TRHDE: variants seen among roughly 807,000 people sequenced by gnomAD.
TRHDE encodes the protein thyrotropin releasing hormone degrading enzyme.
Under a neutral mutation model 125.7 loss-of-function variants are expected in TRHDE, and 72 were observed. The observed-to-expected ratio is 0.57, with a 90% confidence interval of 0.47 to 0.70. TRHDE has a LOEUF of 0.70. TRHDE is among the 30% of genes least tolerant of loss of function. The pLI is 0.00. For synonymous variants in TRHDE, 509 were observed against 509.1 expected (o/e 1.00, Z 0.00); for missense variants, 1,110 against 1,327.1 (o/e 0.84, Z 2.54).
At chr12:72,177,496 T>C (rs1000678335) in intron 2 of TRHDE, among the ~76,000 whole-genome samples, 3 of 152,076 alleles carry the variant, frequency 2.0e-5, no homozygotes, top group African/African-American at 7.2e-5. Flanking sequence ...AACTACAGTC[T>C]AGCAAACTAT....
chr12:72,336,956 C>T (rs904670502), intron 2 of TRHDE, among the ~76,000 whole-genome samples: 2 of 152,194 alleles, frequency 1.3e-5, no homozygotes, highest in African/African-American at 4.8e-5. Context: ...CCAGCATTGA[C>T]ATCATCTGTG....
chr12:72,357,695 C>A (rs951733693), intron 2 of TRHDE, among the ~76,000 whole-genome samples: 2 of 151,380 alleles, frequency 1.3e-5, no homozygotes, highest in African/African-American at 4.8e-5. Flanking sequence ...ACTTGATATT[C>A]TTCTAAACAA....
chr12:72,236,978 C>T (rs1878348587), intron 2 of TRHDE, among the ~76,000 whole-genome samples: 1 of 152,076 alleles, frequency 6.6e-6, no homozygotes, highest in Non-Finnish European at 1.5e-5. Context: ...GTTTAGATGG[C>T]CCTGAGAAAT....
intron 3 of TRHDE, among the ~76,000 whole-genome samples, chr12:72,453,270 T>C (rs1256293946): frequency 1.3e-5 from 2 of 152,198 alleles, no homozygotes; most frequent in African/African-American, 4.8e-5. Flanking sequence ...CACTTATGTT[T>C]TGCCTAAGCA....
intron 3 of TRHDE, among the ~76,000 whole-genome samples, chr12:72,445,222 A>G (rs1875218456): frequency 6.6e-6 from 1 of 151,896 alleles, no homozygotes; most frequent in Non-Finnish European, 1.5e-5. Flanking sequence ...GCTATTAAAT[A>G]TAGATGAAGA....
At chr12:72,229,832 A>C (rs1878212355) in intron 2 of TRHDE, among the ~76,000 whole-genome samples, 2 of 152,208 alleles carry the variant, frequency 1.3e-5, no homozygotes, top group Admixed American at 6.5e-5. Context: ...AATGCACACT[A>C]GAAGAATAAT....
At chr12:72,593,251 A>G (rs1259985301) in intron 12 of TRHDE, among the ~76,000 whole-genome samples, 1 of 152,168 alleles carries the variant, frequency 6.6e-6, no homozygotes, top group Non-Finnish European at 1.5e-5. Flanking sequence ...GCCCCAGTCT[A>G]AAAGGGAAAC....
intron 7 of TRHDE, among the ~76,000 whole-genome samples, chr12:72,548,412 A>T (rs1457389211): frequency 6.6e-6 from 1 of 151,802 alleles, no homozygotes; most frequent in Non-Finnish European, 1.5e-5. Flanking sequence ...TTACATACAT[A>T]TACATTACTA....
At chr12:72,336,579 G>A (rs1869839121) in intron 2 of TRHDE, among the ~76,000 whole-genome samples, 1 of 152,166 alleles carries the variant, frequency 6.6e-6, no homozygotes, top group African/African-American at 2.4e-5. Flanking sequence ...GTAATGGAAT[G>A]CCTGAGACTG....
At chr12:72,657,030 C>G in intron 18 of TRHDE, 22 bp downstream of exon 18, 2 of 1,411,748 alleles carry the variant, frequency 1.4e-6, no homozygotes, top group South Asian at 2.4e-5. Context: ...AAGATGAAGT[C>G]TAATTATTTT....
At chr12:72,156,451 C>G (rs1876514284) in intron 2 of TRHDE, among the ~76,000 whole-genome samples, 1 of 152,176 alleles carries the variant, frequency 6.6e-6, no homozygotes, top group African/African-American at 2.4e-5. Context: ...GGTACCTCAG[C>G]TGGAAATGCA....
intron 10 of TRHDE, among the ~76,000 whole-genome samples, chr12:72,574,766 GTTAT>G (rs1369006051): frequency 6.6e-6 from 1 of 152,024 alleles, no homozygotes; most frequent in African/African-American, 2.4e-5. Flanking sequence ...TGAAAAGTCT[GTTAT>G]TTATTAGTTC....
intron 2 of TRHDE, among the ~76,000 whole-genome samples, chr12:72,373,142 G>C (rs368802779): frequency 9.9e-5 from 15 of 152,068 alleles, no homozygotes; most frequent in East Asian, 9.7e-4. Context: ...ATTTTATTCT[G>C]TTTGAAGCAA....
chr12:72,563,148 T>A, intron 9 of TRHDE, 108 bp downstream of exon 9: 1 of 851,676 alleles, frequency 1.2e-6, no homozygotes, highest in Non-Finnish European at 1.8e-6. Context: ...GTAAGTGAAA[T>A]ATAGTTTTTG....
chr12:72,293,107 T>C (rs1880151387), intron 2 of TRHDE, among the ~76,000 whole-genome samples: 1 of 152,172 alleles, frequency 6.6e-6, no homozygotes, highest in African/African-American at 2.4e-5. Flanking sequence ...CAGCTGGGGC[T>C]GTCATCTGGG....
intron 5 of TRHDE, among the ~76,000 whole-genome samples, chr12:72,493,757 T>C (rs1394212268): frequency 6.6e-6 from 1 of 151,988 alleles, no homozygotes; most frequent in East Asian, 1.9e-4. Flanking sequence ...AACCACACTA[T>C]CTCAAGTCTG....
intron 6 of TRHDE, among the ~76,000 whole-genome samples, chr12:72,534,685 T>A (rs1312453025): frequency 6.6e-6 from 1 of 152,128 alleles, no homozygotes; most frequent in Non-Finnish European, 1.5e-5. Context: ...TTTAAATTAA[T>A]TCTAAGAAAA....
Position 72,536,605 on chromosome 12 carries a change from C to A in TRHDE, c.1723-5686C>A, listed in dbSNP as rs1331825383. Among the ~76,000 whole-genome samples, 4 of 152,032 alleles carry A rather than the reference C, an allele frequency of 2.6e-5. No homozygotes were observed. The East Asian group carries it at 7.7e-4, about 29-fold the overall frequency. On this transcript the variant is annotated intron_variant, in intron 6 of 18. Transcript: ENST00000261180. ...TAGGAGTAAACTGAGGAAAGAGTGA[C>A]CTTTGTGATGGTAAATGCAGAGGGG...
intron 6 of TRHDE, among the ~76,000 whole-genome samples, chr12:72,508,888 C>T (rs964900374): frequency 6.6e-6 from 1 of 152,028 alleles, no homozygotes; most frequent in Non-Finnish European, 1.5e-5. Context: ...TAGCACCTCC[C>T]CCTGCTCTTT....
Sources: allele counts gnomAD v4.1 joint callset (sites outside exome capture counted in the v4.1 genomes callset), GRCh38; gene constraint gnomAD v4.1.1; transcripts MANE v1.5; gene names NCBI Gene and HGNC (gene_info 2026-07-23, HGNC 2026-07-21).